Variants in STAG1 observed in about 807,000 individuals in gnomAD.
STAG1 encodes STAG1 cohesin complex component.
STAG1 carries 26 observed loss-of-function variants against 170.9 expected under a neutral mutation model. The ratio of observed to expected loss-of-function variants is 0.15; its 90% CI spans 0.11 to 0.21. The LOEUF is 0.21. Among genes scored for constraint, STAG1 ranks in the 10% least tolerant of loss-of-function variants. The probability of loss-of-function intolerance (pLI) is 1.00; values close to 1 mark genes in which losing one functional copy is unlikely to be tolerated. For missense variants in STAG1, 964 were observed against 1,509.5 expected (o/e 0.64, Z 5.99); for synonymous variants, 514 against 497.7 (o/e 1.03, Z -0.44).
At chr3:136,733,406 A>C (rs1934154886) in intron 1 of STAG1, among the ~76,000 whole-genome samples, 1 of 152,114 alleles carries the variant, frequency 6.6e-6, no homozygotes, top group Non-Finnish European at 1.5e-5. Flanking sequence ...TTTTTAACGC[A>C]CACTGACAGG....
At chr3:136,539,891 C>A (rs922003131) in intron 6 of STAG1, among the ~76,000 whole-genome samples, 1 of 152,154 alleles carries the variant, frequency 6.6e-6, no homozygotes, top group African/African-American at 2.4e-5. Context: ...ATCTTAACAG[C>A]TTCAAACTAA....
chr3:136,561,142 G>C (rs1936822054), intron 5 of STAG1, among the ~76,000 whole-genome samples: 1 of 152,160 alleles, frequency 6.6e-6, no homozygotes, highest in Non-Finnish European at 1.5e-5. Context: ...ATATATTAGA[G>C]ATAGCAGCCT....
chr3:136,559,917 A>C (rs1936773314), intron 5 of STAG1, among the ~76,000 whole-genome samples: 1 of 152,162 alleles, frequency 6.6e-6, no homozygotes, highest in Non-Finnish European at 1.5e-5. Flanking sequence ...ACATGAATAC[A>C]ATTTTTTTCA....
At chr3:136,523,927 G>C (rs554683356) in intron 6 of STAG1, among the ~76,000 whole-genome samples, 2 of 151,620 alleles carry the variant, frequency 1.3e-5, no homozygotes, top group East Asian at 3.9e-4. Context: ...TTATTTCTGA[G>C]GGCTCTGCTC....
At chr3:136,636,380 T>C (rs1051409129) in intron 1 of STAG1, among the ~76,000 whole-genome samples, 2 of 152,218 alleles carry the variant, frequency 1.3e-5, no homozygotes, top group African/African-American at 2.4e-5. Context: ...AATGATGTTA[T>C]TTGTGAAGCC....
intron 1 of STAG1, among the ~76,000 whole-genome samples, chr3:136,679,953 A>G (rs1378289801): frequency 2.0e-5 from 3 of 152,118 alleles, no homozygotes; most frequent in Non-Finnish European, 1.5e-5. Flanking sequence ...AAGATACAAC[A>G]TTATTTAAAA....
rs192859578 is a variant in STAG1 at position 136,706,378 on chromosome 3, A to C, written c.-84+45817T>G. Among the ~76,000 whole-genome samples, 6 of 152,362 alleles carry C rather than the reference A, an allele frequency of 3.9e-5. No individual in the cohort carries two copies. In the East Asian group the frequency reaches 9.6e-4, roughly 24 times the overall value. On this transcript the variant is annotated intron_variant, in intron 1 of 33. Transcript: ENST00000383202. ...AAAATTCCCACTAAACTGATAAAAA[A>C]ATTGAGCAAAGTTGCAGGGTATAAG...
chr3:136,706,176 T>C (rs1368537303), intron 1 of STAG1, among the ~76,000 whole-genome samples: 3 of 152,250 alleles, frequency 2.0e-5, no homozygotes, highest in Admixed American at 1.3e-4. Context: ...TACTCAATGG[T>C]GAATAACTAA....
At chr3:136,369,989 CTT>C (rs1242208961) in intron 23 of STAG1, among the ~76,000 whole-genome samples, 1 of 152,098 alleles carries the variant, frequency 6.6e-6, no homozygotes, top group Non-Finnish European at 1.5e-5. Context: ...GCATATCTAA[CTT>C]GTGTATAGAA....
At position 136,550,919 on chromosome 3, in the gene STAG1, A is replaced by AG. The variant is rs113851258; in HGVS notation, c.395-8725dup. ...GGATTTTTGGAAGGAAAGTAAAGAGAGAAATTGCCATCTTCATCATATAAA... is the reference window on the plus strand; with the variant it reads ...GGATTTTTGGAAGGAAAGTAAAGAGAGGAAATTGCCATCTTCATCATATAAA... On this transcript the variant is annotated intron_variant, in intron 5 of 33. Coordinates refer to ENST00000383202, the MANE Select transcript of STAG1 (RefSeq NM_005862.3). Among the ~76,000 whole-genome samples, 27 of 152,256 alleles carry AG rather than the reference A, an allele frequency of 1.8e-4. 1 individual carries two copies. Among genetic ancestry groups the AG allele is most frequent in the African/African-American group, 6.5e-4 (27 of 41,538 alleles).
intron 15 of STAG1, among the ~76,000 whole-genome samples, chr3:136,436,733 A>G (rs1439555408): frequency 6.6e-6 from 1 of 152,238 alleles, no homozygotes; most frequent in Admixed American, 6.5e-5. Context: ...AAGGTTTAAA[A>G]GTTTACATTG....
intron 23 of STAG1, among the ~76,000 whole-genome samples, chr3:136,374,735 G>C (rs540663400): frequency 3.2e-4 from 49 of 151,814 alleles, no homozygotes; most frequent in African/African-American, 1.2e-3. Context: ...AAGAATTATA[G>C]TATGATAAGG....
chr3:136,702,170 TG>T (rs1943102551), intron 1 of STAG1, among the ~76,000 whole-genome samples: 1 of 148,530 alleles, frequency 6.7e-6, no homozygotes, highest in African/African-American at 2.5e-5. Flanking sequence ...AGAATGAGAA[TG>T]TGGTGTGTGT....
chr3:136,653,641 G>A (rs1941286502), intron 1 of STAG1, among the ~76,000 whole-genome samples: 1 of 152,142 alleles, frequency 6.6e-6, no homozygotes, highest in Non-Finnish European at 1.5e-5. Context: ...TTGAGTGGTT[G>A]GCCCACAGTA....
At chr3:136,537,484 T>A (rs1199741833) in intron 6 of STAG1, among the ~76,000 whole-genome samples, 4 of 151,338 alleles carry the variant, frequency 2.6e-5, no homozygotes, top group Non-Finnish European at 5.9e-5. Context: ...ATAGTGTCTT[T>A]TTTTTGTTTA....
At chr3:136,355,818 C>T (rs1936630134) in intron 28 of STAG1, among the ~76,000 whole-genome samples, 1 of 151,940 alleles carries the variant, frequency 6.6e-6, no homozygotes, top group African/African-American at 2.4e-5. Flanking sequence ...CAAAATACTC[C>T]TGAATAACCA....
At chr3:136,384,801 A>C (rs1370455297) in intron 22 of STAG1, among the ~76,000 whole-genome samples, 1 of 152,036 alleles carries the variant, frequency 6.6e-6, no homozygotes, top group African/African-American at 2.4e-5. Context: ...AAGAAATTTG[A>C]AAGTTGAATT....
intron 15 of STAG1, among the ~76,000 whole-genome samples, chr3:136,435,961 C>A (rs1559800141): frequency 6.6e-6 from 1 of 152,034 alleles, no homozygotes; most frequent in Non-Finnish European, 1.5e-5. Context: ...AGCCACTGCA[C>A]CCAGCCTGTT....
intron 4 of STAG1, among the ~76,000 whole-genome samples, chr3:136,594,577 A>C (rs1334615174): frequency 6.6e-6 from 1 of 152,208 alleles, no homozygotes; most frequent in Non-Finnish European, 1.5e-5. Context: ...CACTACACTA[A>C]GACCAAAGAA....
Sources: gnomAD v4.1 joint callset for allele counts (sites outside exome capture counted in the v4.1 genomes callset) on GRCh38, gnomAD v4.1.1 for gene constraint, MANE v1.5 for transcripts, NCBI Gene and HGNC (gene_info 2026-07-23, HGNC 2026-07-21) for gene names.